The following MED14 variants were observed in gnomAD, a reference collection of about 807,000 sequenced individuals.
MED14 encodes mediator of RNA polymerase II transcription subunit 14.
A neutral mutation model predicts 109.0 loss-of-function variants in MED14; 8 were observed. The observed-to-expected ratio is 0.07, with a 90% confidence interval of 0.04 to 0.13. The LOEUF (loss-of-function observed/expected upper bound fraction) is 0.13. Among genes scored for constraint, MED14 ranks in the 10% least tolerant of loss-of-function variants. The pLI is 1.00. For synonymous variants in MED14, 399 were observed against 408.7 expected (o/e 0.98, Z 0.29); for missense variants, 711 against 1,142.4 (o/e 0.62, Z 5.44).
rs1315229098 is a variant in MED14 at position 40,712,206 on chromosome X, T to C, written c.869A>G (p.Gln290Arg). 8.3e-7 allele frequency: 1 copy of C among 1,200,692 alleles called. No homozygotes were observed. Among genetic ancestry groups the C allele is most frequent in the Non-Finnish European group, 1.1e-6 (1 of 889,309 alleles). ...GATACGTAGGCAGTTGTACATATCC[T>C]GAAGAGGTTTCTCATCAGCAAAGAG... is the stretch of plus-strand genomic sequence containing the variant. ...SRLFADEKPL[Q>R]DMYNCLHSFC... Residue 290 changes from glutamine (Q) to arginine (R), a missense_variant, in exon 7 of 31, where the codon CAG becomes CGG. This residue lies in a region of MED14 where 388 missense variants were observed against 517.3 expected (regional missense o/e 0.75). Coordinates refer to ENST00000324817, the MANE Select transcript of MED14 (RefSeq NM_004229.4).
chrX:40,701,123 T>C, intron 12 of MED14, 42 bp downstream of exon 12: 2 of 957,326 alleles, frequency 2.1e-6, no homozygotes, highest in Non-Finnish European at 3.0e-6. Flanking sequence ...CTTGTCAAAA[T>C]AAGTTTCCAT....
At chrX:40,729,246 C>T in intron 2 of MED14, 73 bp downstream of exon 2, 1 of 1,046,351 alleles carries the variant, frequency 9.6e-7, no homozygotes, top group Admixed American at 2.8e-5. Context: ...CCCTACACCA[C>T]CCATACCCAC....
chrX:40,663,582 G>C (rs751886633), intron 25 of MED14, among the ~76,000 whole-genome samples: 13 of 111,987 alleles, frequency 1.2e-4, no homozygotes, highest in African/African-American at 3.2e-4. Context: ...GAGAAACCTT[G>C]CCATCTGAGG....
At chrX:40,665,024 A>T (rs1368215668) in intron 24 of MED14, among the ~76,000 whole-genome samples, 3 of 112,071 alleles carry the variant, frequency 2.7e-5, no homozygotes, top group Admixed American at 1.9e-4. Context: ...GAAGATATTC[A>T]AAAATAAAAA....
chrX:40,691,424 T>C (rs1042433020), intron 15 of MED14, among the ~76,000 whole-genome samples: 2 of 110,543 alleles, frequency 1.8e-5, no homozygotes, highest in African/African-American at 6.6e-5. Flanking sequence ...AAGTAAAATG[T>C]TAATTCTTAA....
chrX:40,697,268 A>G, intron 12 of MED14, 85 bp from the exon 13 acceptor site: 1 of 541,362 alleles, frequency 1.8e-6, no homozygotes, highest in South Asian at 4.2e-5. Context: ...ATTAAAGACC[A>G]TTAAAAAAAC....
Position 40,664,369 on chromosome X carries a change from G to A in MED14, c.3386C>T (p.Pro1129Leu). The change falls in exon 25 of 31, where the codon CCA (proline) becomes CTA (leucine). Residue 1129 changes from proline to leucine, a missense_variant. This residue lies in a region of MED14 where 100 missense variants were observed against 147.5 expected (regional missense o/e 0.68). Transcript: ENST00000324817. ...SPAARMPGMS[P>L]ANPSLHSPVP... ...CGGAGAATGTAGTGAGGGGTTGGCT[G>A]GTGACATTCCAGGCATGCGTGCTGC... The A allele has an allele frequency of 8.3e-7, 1 of 1,206,661 alleles. No homozygotes were observed. Among genetic ancestry groups the A allele is most frequent in the South Asian group, 1.8e-5 (1 of 55,705 alleles).
chrX:40,717,011 G>A (rs959450038), intron 3 of MED14, among the ~76,000 whole-genome samples: 2 of 111,241 alleles, frequency 1.8e-5, no homozygotes, highest in African/African-American at 6.5e-5. Context: ...GCTGGGAAGG[G>A]GGGAGGAGGT....
At position 40,663,059 on chromosome X, in the gene MED14, T is replaced by C. The variant is rs1264907091; in HGVS notation, c.3550A>G (p.Ile1184Val). The change falls in exon 26 of 31, where the codon ATT becomes GTT. Residue 1184 changes from isoleucine to valine, a missense_variant. Transcript: ENST00000324817. Reference sequence around the variant, plus strand: ...GGAGTTGGAGAGGGCAGCAGTAAAATGTTCAAGGCACTGTGAGTGAGGATG... The same window carrying C: ...GGAGTTGGAGAGGGCAGCAGTAAAACGTTCAAGGCACTGTGAGTGAGGATG... ...PTILTHSALN[I>V]LLLPSPTPGL... is the part of the protein sequence containing the mutation. The C allele has an allele frequency of 1.3e-5, 16 of 1,211,499 alleles. No homozygotes were observed. In the South Asian group the frequency reaches 2.8e-4, roughly 21 times the overall value.
At chrX:40,727,143 T>A (rs917574911) in intron 2 of MED14, among the ~76,000 whole-genome samples, 24 of 112,157 alleles carry the variant, frequency 2.1e-4, no homozygotes, top group African/African-American at 6.8e-4. Context: ...ATATACTAAA[T>A]TCAGTATATG....
Position 40,664,504 on chromosome X carries a change from A to C in MED14, c.3266-15T>G. The C allele has an allele frequency of 2.0e-6, 2 of 1,011,399 alleles. No homozygotes were observed. The highest frequency in any genetic ancestry group is 2.6e-6 in the Non-Finnish European group (2 of 776,654). 83.4% of individuals were successfully genotyped at this position (1,011,399 alleles called of 1,213,427 possible). On this transcript the variant is annotated splice_polypyrimidine_tract_variant and intron_variant, in intron 24 of 30. Transcript: ENST00000324817. ...GTCAAGAGTTCCTATAAAAAAGGTA[A>C]ACAAATGATTCTCAAAACCTATATT...
intron 24 of MED14, among the ~76,000 whole-genome samples, chrX:40,666,139 A>G (rs1190630198): frequency 8.9e-6 from 1 of 112,046 alleles, no homozygotes; most frequent in African/African-American, 3.2e-5. Flanking sequence ...TTGTGTGTGT[A>G]AAGGAGAGGG....
chrX:40,711,141 C>G, intron 8 of MED14, 28 bp downstream of exon 8: 1 of 1,199,867 alleles, frequency 8.3e-7, no homozygotes, highest in Non-Finnish European at 1.1e-6. Context: ...AGTCATAGCA[C>G]GAACCCACCA....
At chrX:40,685,661 C>T (rs1480886194) in intron 16 of MED14, among the ~76,000 whole-genome samples, 2 of 112,170 alleles carry the variant, frequency 1.8e-5, no homozygotes, top group African/African-American at 6.5e-5. Context: ...TCTCTCAAAA[C>T]TTGTGTCCCA....
chrX:40,656,724 CACAAA>C (rs773903443), intron 28 of MED14, among the ~76,000 whole-genome samples: 4 of 112,000 alleles, frequency 3.6e-5, no homozygotes, highest in Non-Finnish European at 5.6e-5. Context: ...TGTTAAACAA[CACAAA>C]ACAAAGACAT....
chrX:40,671,006 C>T (rs912535950), intron 23 of MED14, among the ~76,000 whole-genome samples: 3 of 111,853 alleles, frequency 2.7e-5, no homozygotes, highest in Non-Finnish European at 5.6e-5. Flanking sequence ...TTTTATTACA[C>T]ATGCTTTTAA....
intron 6 of MED14, 127 bp downstream of exon 6, chrX:40,712,787 C>T (rs1325480314): frequency 3.0e-6 from 2 of 659,372 alleles, no homozygotes; most frequent in Non-Finnish European, 4.3e-6. Flanking sequence ...GATCCACCTG[C>T]CTTGGCCTCC....
chrX:40,724,891 T>C (rs1314838154), intron 3 of MED14, among the ~76,000 whole-genome samples: 2 of 109,012 alleles, frequency 1.8e-5, no homozygotes, highest in African/African-American at 6.7e-5. Flanking sequence ...TCTGAAAAAA[T>C]GAACAAAATT....
In MED14 at chrX:40,715,574, C is replaced by T. The variant is rs568341459; in HGVS notation, c.349-864G>A. ...GGCCAAGGTGGGCAGGTCACGAGGT[C>T]AGGAGATTGAGACCATTCTGGCTAA... On this transcript the variant is annotated intron_variant, in intron 3 of 30. Coordinates refer to ENST00000324817, the MANE Select transcript of MED14 (RefSeq NM_004229.4). 1.4e-3 allele frequency among the ~76,000 whole-genome samples: 155 copies of T among 109,562 alleles called. 2 individuals carry two copies. The Middle Eastern group carries it at 0.018, about 13-fold the overall frequency.
Sources: gnomAD v4.1 joint callset for allele counts (sites outside exome capture counted in the v4.1 genomes callset) on GRCh38, gnomAD v4.1.1 for gene constraint, gnomAD v4.1.1 regional missense constraint, MANE v1.5 for transcripts, NCBI Gene and HGNC (gene_info 2026-07-23, HGNC 2026-07-21) for gene names.